The following ARFGEF3 variants were observed in gnomAD, a reference collection of about 807,000 sequenced individuals.
ARFGEF3 encodes brefeldin A-inhibited guanine nucleotide-exchange protein 3.
A neutral mutation model predicts 221.7 loss-of-function variants in ARFGEF3; 96 were observed. The observed-to-expected ratio is 0.43, with a 90% confidence interval of 0.37 to 0.51. The LOEUF (loss-of-function observed/expected upper bound fraction) is 0.51. Among genes scored for constraint, ARFGEF3 ranks in the 20% least tolerant of loss-of-function variants. The probability of loss-of-function intolerance (pLI) is 0.00; values close to 1 mark genes in which losing one functional copy is unlikely to be tolerated. For missense variants in ARFGEF3, 2,410 were observed against 2,789.9 expected (o/e 0.86, Z 3.07); for synonymous variants, 1,145 against 1,126.8 (o/e 1.02, Z -0.32).
At chr6:138,314,493 C>T (rs1336541807) in intron 26 of ARFGEF3, among the ~76,000 whole-genome samples, 1 of 152,098 alleles carries the variant, frequency 6.6e-6, no homozygotes, top group Non-Finnish European at 1.5e-5. Context: ...CCCAATAGTC[C>T]CAAAGCCTTA....
At position 138,285,310 on chromosome 6, in the gene ARFGEF3, G is replaced by T. The variant is rs1330928182; in HGVS notation, c.2462-636G>T. Among the ~76,000 whole-genome samples, 4 of 152,058 alleles carry T rather than the reference G, an allele frequency of 2.6e-5. No homozygotes were observed. In the East Asian group the frequency reaches 7.7e-4, roughly 29 times the overall value. Reference sequence around the variant, plus strand: ...AACCCCTGTACAAAAAATTAGCCGGGCATGGTGGTGGGCACCTGTAGTCCC... The same window carrying T: ...AACCCCTGTACAAAAAATTAGCCGGTCATGGTGGTGGGCACCTGTAGTCCC... On this transcript the variant is annotated intron_variant, in intron 14 of 33. Coordinates refer to ENST00000251691, the MANE Select transcript of ARFGEF3 (RefSeq NM_020340.5).
chr6:138,222,285 T>G (rs1396327507), intron 4 of ARFGEF3, among the ~76,000 whole-genome samples: 1 of 152,226 alleles, frequency 6.6e-6, no homozygotes, highest in Non-Finnish European at 1.5e-5. Context: ...AAACTTATAA[T>G]GTTTTAAGAA....
chr6:138,162,827 G>A lies in ARFGEF3; in HGVS notation c.85+656G>A, dbSNP rs533883992. 1.6e-4 allele frequency among the ~76,000 whole-genome samples: 25 copies of A among 152,188 alleles called. No homozygotes were observed. The highest frequency in any genetic ancestry group is 1.5e-3 in the South Asian group (7 of 4,808). On this transcript the variant is annotated intron_variant, in intron 1 of 33. Transcript: ENST00000251691. The surrounding 1 kb of genome is among the most constrained non-coding windows in gnomAD (Gnocchi z 4.7). ...GACTCAGGTTGCAGAACTCAGCAGC[G>A]GAAAAAAACGGAAAGACATTTCAGT...
chr6:138,317,134 T>C, intron 26 of ARFGEF3, 117 bp from the exon 27 acceptor site: 2 of 1,031,276 alleles, frequency 1.9e-6, no homozygotes, highest in Non-Finnish European at 2.8e-6. Flanking sequence ...CAACACTGGG[T>C]GATGGCTCAC....
At chr6:138,258,425 G>A (rs563705310) in intron 10 of ARFGEF3, among the ~76,000 whole-genome samples, 257 of 152,300 alleles carry the variant, frequency 1.7e-3, no homozygotes, top group Non-Finnish European at 3.1e-3. Flanking sequence ...GAAGTGACTT[G>A]CCCAAAGTCC....
intron 6 of ARFGEF3, 62 bp from the exon 7 acceptor site, chr6:138,242,890 C>G: frequency 2.8e-6 from 4 of 1,445,112 alleles, no homozygotes; most frequent in Non-Finnish European, 3.9e-6. Context: ...TTCCCATTGT[C>G]AAAGAGTCAA....
chr6:138,178,325 A>G (rs1260142445), intron 2 of ARFGEF3, among the ~76,000 whole-genome samples: 1 of 152,116 alleles, frequency 6.6e-6, no homozygotes, highest in Non-Finnish European at 1.5e-5. Flanking sequence ...GTAGCCCGAT[A>G]GCTCCCCTGC....
chr6:138,323,300 G>T (rs1780067089), intron 29 of ARFGEF3, among the ~76,000 whole-genome samples: 1 of 152,074 alleles, frequency 6.6e-6, no homozygotes. Flanking sequence ...AAATTTTGTG[G>T]CAACAAAATG....
At chr6:138,174,577 CTTACAT>C (rs532588404) in intron 2 of ARFGEF3, among the ~76,000 whole-genome samples, 100 of 139,470 alleles carry the variant, frequency 7.2e-4, no homozygotes, top group African/African-American at 2.6e-3. Flanking sequence ...TTCCATTATG[CTTACAT>C]TTAATATATG....
chr6:138,223,733 T>C (rs1277316551), intron 4 of ARFGEF3, among the ~76,000 whole-genome samples: 1 of 152,156 alleles, frequency 6.6e-6, no homozygotes, highest in Non-Finnish European at 1.5e-5. Context: ...TTTAATTTAT[T>C]ATATGTGTTA....
chr6:138,285,287 C>A (rs1227107913), intron 14 of ARFGEF3, among the ~76,000 whole-genome samples: 1 of 151,872 alleles, frequency 6.6e-6, no homozygotes, highest in Non-Finnish European at 1.5e-5. Flanking sequence ...CACGGTGAAA[C>A]CCCTGTACAA....
intron 2 of ARFGEF3, among the ~76,000 whole-genome samples, chr6:138,188,316 C>T (rs1414180594): frequency 3.9e-5 from 6 of 152,286 alleles, no homozygotes; most frequent in South Asian, 2.1e-4. Flanking sequence ...TCCCCCCCTC[C>T]GGTAATGAGG....
At chr6:138,267,529 C>A (rs1285670200) in intron 12 of ARFGEF3, among the ~76,000 whole-genome samples, 1 of 152,194 alleles carries the variant, frequency 6.6e-6, no homozygotes, top group African/African-American at 2.4e-5. Flanking sequence ...AACACATCCC[C>A]AGTAATTCCA....
chr6:138,278,913 T>C (rs1011150798), intron 13 of ARFGEF3, among the ~76,000 whole-genome samples: 2 of 152,220 alleles, frequency 1.3e-5, no homozygotes, highest in Admixed American at 6.5e-5. Context: ...TTTCATCTCA[T>C]GTCATTATTA....
At chr6:138,292,785 T>G (rs1307515707) in intron 19 of ARFGEF3, among the ~76,000 whole-genome samples, 1 of 152,234 alleles carries the variant, frequency 6.6e-6, no homozygotes, top group Non-Finnish European at 1.5e-5. Context: ...GGGTCATGTC[T>G]GTAGACATAG....
At chr6:138,285,681 CAG>C (rs1254211149) in intron 14 of ARFGEF3, among the ~76,000 whole-genome samples, 8 of 151,900 alleles carry the variant, frequency 5.3e-5, no homozygotes, top group Admixed American at 2.0e-4. Flanking sequence ...GATTTTCTAA[CAG>C]AGAAATAATA....
chr6:138,241,302 T>C (rs140604152), intron 6 of ARFGEF3, among the ~76,000 whole-genome samples: 1 of 152,346 alleles, frequency 6.6e-6, no homozygotes, highest in Non-Finnish European at 1.5e-5. Context: ...ATCACTCCTC[T>C]GTCTACCCAG....
chr6:138,303,739 G>C (rs751454914), intron 22 of ARFGEF3, among the ~76,000 whole-genome samples: 1 of 151,706 alleles, frequency 6.6e-6, no homozygotes, highest in Non-Finnish European at 1.5e-5. Flanking sequence ...GACTAGACCT[G>C]TAGTCCCAGC....
chr6:138,178,759 C>T (rs1429393904), intron 2 of ARFGEF3, among the ~76,000 whole-genome samples: 1 of 152,144 alleles, frequency 6.6e-6, no homozygotes, highest in African/African-American at 2.4e-5. Flanking sequence ...TTAGAAAATG[C>T]AGTATTTGAA....
Sources: allele counts gnomAD v4.1 joint callset (sites outside exome capture counted in the v4.1 genomes callset), GRCh38; gene constraint gnomAD v4.1.1; non-coding constraint Gnocchi (gnomAD v3.1); transcripts MANE v1.5; gene names NCBI Gene and HGNC (gene_info 2026-07-23, HGNC 2026-07-21).